The following FAM174B variants were observed in gnomAD, a reference collection of about 807,000 sequenced individuals.
FAM174B encodes family with sequence similarity 174 member B.
FAM174B carries 12 observed loss-of-function variants against 10.9 expected under a neutral mutation model. That is an observed-to-expected ratio of 1.10 (90% CI 0.71 to 1.79). FAM174B has a LOEUF of 1.79. Ranked by LOEUF, FAM174B falls within the 40% of genes most tolerant of loss-of-function variation. The pLI is 0.00. For synonymous variants in FAM174B, 132 were observed against 115.8 expected, an observed-to-expected ratio of 1.14 and a Z score of -0.90; for missense variants, 266 against 233.3, an observed-to-expected ratio of 1.14 and a Z score of -0.91.
intron 1 of FAM174B, among the ~76,000 whole-genome samples, chr15:92,643,344 A>ATGTGTGTG (rs61322216): frequency 0.083 from 11,450 of 138,056 alleles, 561 homozygotes; most frequent in South Asian, 0.14. Flanking sequence ...TAGGGAAGGA[A>ATGTGTGTG]TGTGTGTGTG....
At chr15:92,620,178 C>T (rs1197954151) in intron 2 of FAM174B, among the ~76,000 whole-genome samples, 5 of 152,126 alleles carry the variant, frequency 3.3e-5, no homozygotes, top group East Asian at 3.9e-4. Flanking sequence ...CTTTAAACCC[C>T]GGGCCCACAC....
chr15:92,631,390 ATATAT>A lies in FAM174B; in HGVS notation c.345-1050_345-1046del, dbSNP rs1199552177. On this transcript the variant is annotated intron_variant, in intron 1 of 2. Coordinates refer to ENST00000327355, the MANE Select transcript of FAM174B (RefSeq NM_207446.3). ...TATTATATATAATATATTATATATT[ATATAT>A]TATATTATATTATATATAATATATA... Among the ~76,000 whole-genome samples, 95 of 35,536 alleles carry A rather than the reference ATATAT, an allele frequency of 2.7e-3. 12 individuals carry two copies. The highest frequency in any genetic ancestry group is 0.013 in the African/African-American group (72 of 5,382). The allele number at this position is 35,536 out of a possible 152,430, so 23.3% of individuals were successfully genotyped here.
In FAM174B at chr15:92,630,238, G is replaced by A. The variant is rs376366988; in HGVS notation, c.452C>T (p.Ser151Phe). 1 of 1,613,730 alleles carries A rather than the reference G, an allele frequency of 6.2e-7. No individual in the cohort carries two copies. The highest frequency in any genetic ancestry group is 8.5e-7 in the Non-Finnish European group (1 of 1,179,796). The change falls in exon 2 of 3, where the codon TCC becomes TTC. Residue 151 changes from serine to phenylalanine, a missense_variant. Coordinates refer to ENST00000327355, the MANE Select transcript of FAM174B (RefSeq NM_207446.3). The stretch of plus-strand genomic sequence containing the variant: ...CCTGTATTTGATGTCGAATACTGTG[G>A]AGTCCTCATCTTCATCATCCTCTTC... ...LNEEDDEDEDSTVFDIKYR is the reference protein window; with the variant it reads ...LNEEDDEDEDFTVFDIKYR
At chr15:92,624,364 C>T (rs541078485) in intron 2 of FAM174B, among the ~76,000 whole-genome samples, 1 of 152,236 alleles carries the variant, frequency 6.6e-6, no homozygotes, top group East Asian at 1.9e-4. Context: ...CCTAACAGTT[C>T]GCCCTCAGAA....
chr15:92,646,878 G>A (rs1214378060), intron 1 of FAM174B, among the ~76,000 whole-genome samples: 1 of 152,100 alleles, frequency 6.6e-6, no homozygotes, highest in East Asian at 1.9e-4. Flanking sequence ...CCAAACCAAT[G>A]TACATCTTAC....
intron 1 of FAM174B, among the ~76,000 whole-genome samples, chr15:92,636,370 C>A (rs189796395): frequency 3.3e-5 from 5 of 152,234 alleles, no homozygotes; most frequent in Non-Finnish European, 7.4e-5. Context: ...GCCAGCTAAG[C>A]GATTTAAATT....
rs775242366 is a variant in FAM174B at position 92,655,272 on chromosome 15, G to A, written c.344+44C>T. 2.1e-5 allele frequency: 32 copies of A among 1,491,220 alleles called. No individual in the cohort carries two copies. In the South Asian group the frequency reaches 3.8e-4, roughly 18 times the overall value. The allele number at this position is 1,491,220 out of a possible 1,614,324, so 92.4% of individuals were successfully genotyped here. ...GCGGCGACAGCAGGTTGGCGATGCCGCCCTGTCGGCCGGCGGGGGAAGGAA... is the reference window on the plus strand; with the variant it reads ...GCGGCGACAGCAGGTTGGCGATGCCACCCTGTCGGCCGGCGGGGGAAGGAA... On this transcript the variant is annotated intron_variant, in intron 1 of 2. Transcript: ENST00000327355.
chr15:92,624,807 C>T (rs1476521216), intron 2 of FAM174B, among the ~76,000 whole-genome samples: 4 of 152,210 alleles, frequency 2.6e-5, no homozygotes, highest in Non-Finnish European at 5.9e-5. Context: ...GCAGGAGCAG[C>T]GCGTTCTCCC....
Position 92,619,410 on chromosome 15 carries a change from A to G in FAM174B, c.*46T>C. ...TCCAGTCCTTCACACCCCAGGTTGCAGCTGACCAACTTTCCACAGGATGCC... is the reference window on the plus strand; with the variant it reads ...TCCAGTCCTTCACACCCCAGGTTGCGGCTGACCAACTTTCCACAGGATGCC... On this transcript the variant is annotated 3_prime_UTR_variant, in exon 3 of 3. Transcript: ENST00000327355. 2 of 1,613,622 alleles carry G rather than the reference A, an allele frequency of 1.2e-6. No individual in the cohort carries two copies. The highest frequency in any genetic ancestry group is 1.7e-6 in the Non-Finnish European group (2 of 1,179,564).
At chr15:92,627,615 T>G (rs1425204382) in intron 2 of FAM174B, among the ~76,000 whole-genome samples, 1 of 152,196 alleles carries the variant, frequency 6.6e-6, no homozygotes, top group African/African-American at 2.4e-5. Context: ...TCTTATTCAG[T>G]GGGATGTGGA....
At chr15:92,642,897 C>T (rs1330022690) in intron 1 of FAM174B, among the ~76,000 whole-genome samples, 1 of 152,122 alleles carries the variant, frequency 6.6e-6, no homozygotes, top group East Asian at 1.9e-4. Context: ...ACCCTGAAAA[C>T]ACTGTACTAA....
At chr15:92,649,782 A>G (rs12443091) in intron 1 of FAM174B, among the ~76,000 whole-genome samples, 117,734 of 152,164 alleles carry the variant, frequency 0.77, 46,114 homozygotes, top group East Asian at 0.97. Context: ...TAACACCAGG[A>G]GGCAAAATCC....
intron 2 of FAM174B, among the ~76,000 whole-genome samples, chr15:92,621,629 G>A (rs866648367): frequency 6.6e-6 from 1 of 151,064 alleles, no homozygotes; most frequent in South Asian, 2.1e-4. Context: ...AAAAAATTGA[G>A]TATCTTCATA....
Position 92,619,444 on chromosome 15 carries a change from G to T in FAM174B, c.*12C>A, listed in dbSNP as rs369667312. 6 of 1,613,794 alleles carry T rather than the reference G, an allele frequency of 3.7e-6. No homozygotes were observed. Among genetic ancestry groups the T allele is most frequent in the African/African-American group, 1.3e-5 (1 of 74,902 alleles). On this transcript the variant is annotated 3_prime_UTR_variant, in exon 3 of 3. Transcript: ENST00000327355. The stretch of plus-strand genomic sequence containing the variant: ...ACTTTCCACAGGATGCCACCAGGCT[G>T]GGAAACAGGTTTTACCTAAAAGAAA...
chr15:92,648,510 A>C (rs1382878692), intron 1 of FAM174B, among the ~76,000 whole-genome samples: 1 of 152,110 alleles, frequency 6.6e-6, no homozygotes, highest in Non-Finnish European at 1.5e-5. Flanking sequence ...AGCCCACCAC[A>C]TCTTGGAGGT....
chr15:92,635,121 TC>T (rs1276581348), intron 1 of FAM174B, among the ~76,000 whole-genome samples: 4 of 28,300 alleles, frequency 1.4e-4, no homozygotes, highest in Non-Finnish European at 6.7e-4. Context: ...TCTTTCTCTG[TC>T]TCTCTCTCTC....
At chr15:92,626,226 G>C (rs937972232) in intron 2 of FAM174B, among the ~76,000 whole-genome samples, 1 of 145,942 alleles carries the variant, frequency 6.9e-6, no homozygotes, top group South Asian at 2.1e-4. Flanking sequence ...AGCCTCCCAA[G>C]TAGCTGGGAC....
chr15:92,617,674 A>AG lies in FAM174B; in HGVS notation c.*1781dup. 1 of 681,406 alleles carries AG rather than the reference A, an allele frequency of 1.5e-6. No homozygotes were observed. Among genetic ancestry groups the AG allele is most frequent in the East Asian group, 2.9e-5 (1 of 34,646 alleles). 42.2% of individuals were successfully genotyped at this position (681,406 alleles called of 1,614,324 possible). A position where few individuals can be genotyped will look rare whatever the true frequency, so the allele number is the denominator to read the frequency against. ...GCCAGCAGTTCCAGTTCAAAGGTTG[A>AG]GGGGGCGAACAGCTGCGAGGTGGCC... On this transcript the variant is annotated 3_prime_UTR_variant, in exon 3 of 3. Coordinates refer to ENST00000327355, the MANE Select transcript of FAM174B (RefSeq NM_207446.3).
At chr15:92,625,182 C>CT (rs1358642820) in intron 2 of FAM174B, among the ~76,000 whole-genome samples, 2 of 150,890 alleles carry the variant, frequency 1.3e-5, no homozygotes, top group Non-Finnish European at 3.0e-5. Context: ...GCCCTACGCA[C>CT]TCAAGGTCTT....
Sources: gnomAD v4.1 joint callset for allele counts (sites outside exome capture counted in the v4.1 genomes callset) on GRCh38, gnomAD v4.1.1 for gene constraint, MANE v1.5 for transcripts, NCBI Gene and HGNC (gene_info 2026-07-23, HGNC 2026-07-21) for gene names.